GALNT13: variants seen among roughly 807,000 people sequenced by gnomAD.
The protein encoded by GALNT13 is UDP-GalNAc:polypeptide N-acetylgalactosaminyltransferase 13.
GALNT13 carries 28 observed loss-of-function variants against 64.2 expected under a neutral mutation model. That is an observed-to-expected ratio of 0.44 (90% CI 0.32 to 0.60). The LOEUF (loss-of-function observed/expected upper bound fraction) is 0.60. Among genes scored for constraint, GALNT13 ranks in the 20% least tolerant of loss-of-function variants. The probability of loss-of-function intolerance (pLI) is 0.05; values close to 1 mark genes in which losing one functional copy is unlikely to be tolerated. For synonymous variants in GALNT13, 214 were observed against 224.6 expected (o/e 0.95, Z 0.42); for missense variants, 577 against 669.8 (o/e 0.86, Z 1.53).
At chr2:153,170,569 G>A in the GALNT13 span, among the ~76,000 whole-genome samples, 2 of 152,178 alleles carry the variant, frequency 1.3e-5, no homozygotes, top group African/African-American at 4.8e-5. Context: ...GCACCGAAGT[G>A]TCACACAGAA....
At chr2:153,122,699 C>T in the GALNT13 span, among the ~76,000 whole-genome samples, 2 of 152,128 alleles carry the variant, frequency 1.3e-5, no homozygotes, top group Non-Finnish European at 2.9e-5. Flanking sequence ...CTGGTCCAAC[C>T]AGCAGATACC....
At chr2:154,150,220 T>A (rs1468496635) in intron 4 of GALNT13, among the ~76,000 whole-genome samples, 1 of 152,234 alleles carries the variant, frequency 6.6e-6, no homozygotes, top group Non-Finnish European at 1.5e-5. Flanking sequence ...GTTTATATAC[T>A]GGATTACATT....
intron 1 of GALNT13, among the ~76,000 whole-genome samples, chr2:153,889,484 T>C (rs1687406826): frequency 6.6e-6 from 1 of 152,026 alleles, no homozygotes; most frequent in South Asian, 2.1e-4. Flanking sequence ...TTCTGTCTGT[T>C]TGCTTTTTAT....
the GALNT13 span, among the ~76,000 whole-genome samples, chr2:153,106,145 T>A: frequency 1.3e-5 from 2 of 152,280 alleles, no homozygotes; most frequent in East Asian, 3.9e-4. Flanking sequence ...AAAGATTACT[T>A]TTGACAGTTG....
intron 9 of GALNT13, among the ~76,000 whole-genome samples, chr2:154,364,164 T>A (rs983206362): frequency 5.3e-5 from 8 of 152,162 alleles, no homozygotes; most frequent in African/African-American, 1.9e-4. Flanking sequence ...AGCTATATGG[T>A]ATTGAGACAA....
chr2:153,982,470 A>G (rs1574261372), intron 3 of GALNT13, among the ~76,000 whole-genome samples: 1 of 152,094 alleles, frequency 6.6e-6, no homozygotes, highest in Non-Finnish European at 1.5e-5. Flanking sequence ...AAATTTTGTT[A>G]TAAGTTGTAG....
chr2:154,392,817 A>G (rs965521183), intron 9 of GALNT13, among the ~76,000 whole-genome samples: 1 of 152,282 alleles, frequency 6.6e-6, no homozygotes, highest in African/African-American at 2.4e-5. Context: ...GAGGAATGTA[A>G]AATGTTTTGG....
chr2:153,829,495 T>C, the GALNT13 span, among the ~76,000 whole-genome samples: 1 of 152,074 alleles, frequency 6.6e-6, no homozygotes, highest in African/African-American at 2.4e-5. Flanking sequence ...ACTTATTCAC[T>C]ACCACAAGAA....
At chr2:153,096,028 TAATAA>T in the GALNT13 span, among the ~76,000 whole-genome samples, 1 of 141,390 alleles carries the variant, frequency 7.1e-6, no homozygotes, top group East Asian at 2.0e-4. Context: ...ACTTAAAGTA[TAATAA>T]AATAAGTAAA....
At chr2:154,244,444 G>A (rs1573944173) in intron 6 of GALNT13, among the ~76,000 whole-genome samples, 2 of 152,178 alleles carry the variant, frequency 1.3e-5, no homozygotes, top group African/African-American at 2.4e-5. Flanking sequence ...GCTCTGGTCA[G>A]TTGTGTGGAA....
chr2:153,252,646 G>A, the GALNT13 span, among the ~76,000 whole-genome samples: 1 of 152,172 alleles, frequency 6.6e-6, no homozygotes, highest in Non-Finnish European at 1.5e-5. Flanking sequence ...ATTAATTTTT[G>A]TATAATGTGT....
intron 9 of GALNT13, among the ~76,000 whole-genome samples, chr2:154,336,255 T>C (rs980008507): frequency 1.3e-5 from 2 of 152,062 alleles, no homozygotes; most frequent in African/African-American, 2.4e-5. Context: ...CATTGCAGTT[T>C]ATGAAGACCA....
the GALNT13 span, among the ~76,000 whole-genome samples, chr2:153,706,742 A>G: frequency 6.6e-6 from 1 of 152,086 alleles, no homozygotes; most frequent in Non-Finnish European, 1.5e-5. Context: ...TCAAATTGCA[A>G]TTGTTCCTTC....
At chr2:153,677,526 T>A in the GALNT13 span, among the ~76,000 whole-genome samples, 1 of 151,942 alleles carries the variant, frequency 6.6e-6, no homozygotes, top group African/African-American at 2.4e-5. Flanking sequence ...AAACTACCAA[T>A]GGCATTCTTC....
intron 2 of GALNT13, among the ~76,000 whole-genome samples, chr2:153,904,059 G>A (rs999381297): frequency 4.0e-5 from 6 of 151,846 alleles, no homozygotes; most frequent in Non-Finnish European, 7.4e-5. Flanking sequence ...TTAAATTAAT[G>A]TACATAATAT....
intron 4 of GALNT13, among the ~76,000 whole-genome samples, chr2:154,209,593 ATCTC>A (rs1687654942): frequency 6.6e-6 from 1 of 152,156 alleles, no homozygotes; most frequent in Non-Finnish European, 1.5e-5. Flanking sequence ...ATGCTATTTC[ATCTC>A]TCTAACTCTG....
At position 154,156,890 on chromosome 2, in the gene GALNT13, G is replaced by A. The variant is rs549502415; in HGVS notation, c.311+16385G>A. ...ATTCCATCTCCTCATGCACAGAATA[G>A]AATGATTAAATAGTGTGTTGAAGAG... On this transcript the variant is annotated intron_variant, in intron 4 of 12. Coordinates refer to ENST00000392825, the MANE Select transcript of GALNT13 (RefSeq NM_052917.4). 2.0e-5 allele frequency among the ~76,000 whole-genome samples: 3 copies of A among 152,212 alleles called. No individual in the cohort carries two copies. In the South Asian group the frequency reaches 6.2e-4, roughly 32 times the overall value.
At chr2:154,032,475 C>T (rs1698399403) in intron 3 of GALNT13, among the ~76,000 whole-genome samples, 1 of 151,834 alleles carries the variant, frequency 6.6e-6, no homozygotes, top group Non-Finnish European at 1.5e-5. Context: ...CCAACCAACA[C>T]ACCAATACCT....
intron 1 of GALNT13, among the ~76,000 whole-genome samples, chr2:153,896,081 A>ATATATATATATATATATATTTTTTTTT (rs1574065409): frequency 7.3e-6 from 1 of 136,812 alleles, no homozygotes; most frequent in East Asian, 2.2e-4. Context: ...ATGATTTTAT[A>ATATATATATATATATATATTTTTTTTT]TTTTTATGTT....
Sources: gnomAD v4.1 joint callset for allele counts (sites outside exome capture counted in the v4.1 genomes callset) on GRCh38, gnomAD v4.1.1 for gene constraint, MANE v1.5 for transcripts, NCBI Gene and HGNC (gene_info 2026-07-23, HGNC 2026-07-21) for gene names.